The following SERHL2 variants were observed in gnomAD, a reference collection of about 807,000 sequenced individuals.
The protein encoded by SERHL2 is serine hydrolase like 2, also known as serine hydrolase-like protein 2.
A neutral mutation model predicts 25.5 loss-of-function variants in SERHL2; 29 were observed. The ratio of observed to expected loss-of-function variants is 1.14; its 90% confidence interval spans 0.85 to 1.55. The LOEUF is 1.55. Ranked by LOEUF, SERHL2 falls within the 40% of genes most tolerant of loss-of-function variation. SERHL2 has a pLI of 0.00. For synonymous variants in SERHL2, 95 were observed against 103.5 expected, an observed-to-expected ratio of 0.92 and a Z score of 0.50; for missense variants, 240 against 252.3, an observed-to-expected ratio of 0.95 and a Z score of 0.33.
At chr22:42,571,598 G>C (rs1924202217) in intron 10 of SERHL2, 2 of 410,140 alleles carry the variant, frequency 4.9e-6, no homozygotes, top group African/African-American at 4.3e-5. Context: ...GCTTATTTTT[G>C]TATTTTTAGT....
chr22:42,556,262 A>C, intron 5 of SERHL2, 179 bp downstream of exon 5: 1 of 537,096 alleles, frequency 1.9e-6, no homozygotes. Context: ...TCATGTTTCC[A>C]CGCCCCCATA....
At chr22:42,567,539 C>CT (rs1373658632) in intron 9 of SERHL2, among the ~76,000 whole-genome samples, 1 of 151,342 alleles carries the variant, frequency 6.6e-6, no homozygotes, top group African/African-American at 2.4e-5. Context: ...TGGCAGGCGC[C>CT]TGTAGTCCCA....
chr22:42,572,395 C>T (rs1380382197), intron 10 of SERHL2, 41 bp from the exon 11 acceptor site: 6 of 1,503,914 alleles, frequency 4.0e-6, no homozygotes, highest in Admixed American at 3.4e-5. Context: ...GGAGGCGGTT[C>T]TAAGATGAAC....
At chr22:42,569,911 T>C (rs1278544235) in intron 9 of SERHL2, 1 of 151,528 alleles carries the variant, frequency 6.6e-6, no homozygotes, top group Admixed American at 6.6e-5. Context: ...TGCAGGAGTA[T>C]CGGGTGTAAC....
chr22:42,574,007 C>T lies in SERHL2; in HGVS notation c.897C>T (p.Ile299=), dbSNP rs1369411394. The change falls in exon 12 of 12, where the codon ATC becomes ATT. Residue 299 remains isoleucine (I), a synonymous_variant. Transcript: ENST00000327678. ...HMSEPQHVAS[I]ISSFLQCTHM... ...GCGAACCCCAGCACGTGGCCAGTAT[C>T]ATCAGCTCCTTCTTACAGTGCACAC... 8.8e-6 allele frequency: 14 copies of T among 1,586,758 alleles called. No homozygotes were observed. Among genetic ancestry groups the T allele is most frequent in the Admixed American group, 5.1e-5 (3 of 59,020 alleles).
intron 8 of SERHL2, among the ~76,000 whole-genome samples, chr22:42,564,464 T>C (rs1229732507): frequency 6.6e-6 from 1 of 151,494 alleles, no homozygotes; most frequent in Admixed American, 6.6e-5. Context: ...GGGGTCTTGC[T>C]TTTGTCGTCC....
At chr22:42,563,539 C>A in intron 8 of SERHL2, 1 of 309,450 alleles carries the variant, frequency 3.2e-6, no homozygotes, top group South Asian at 2.4e-5. Context: ...AATATCTGGC[C>A]CCTGAAGCCC....
chr22:42,565,876 C>T (rs1258267263), intron 8 of SERHL2, among the ~76,000 whole-genome samples: 3 of 151,842 alleles, frequency 2.0e-5, no homozygotes, highest in Non-Finnish European at 4.4e-5. Context: ...TTTTTTGAGA[C>T]AGAGTCTTGC....
chr22:42,574,311 G>C lies in SERHL2; in HGVS notation c.*256G>C. The C allele has an allele frequency of 1.9e-6, 1 of 538,856 alleles. No homozygotes were observed. Among genetic ancestry groups the C allele is most frequent in the Non-Finnish European group, 3.3e-6 (1 of 303,926 alleles). 33.4% of individuals were successfully genotyped at this position (538,856 alleles called of 1,614,324 possible). On this transcript the variant is annotated 3_prime_UTR_variant, in exon 12 of 12. Coordinates refer to ENST00000327678, the MANE Select transcript of SERHL2 (RefSeq NM_014509.5). ...ATATCCAGCCAGCTGGAGGAAGGAA[G>C]GGCAGGCTGGGCCCACCTAGCCTTT...
rs182944888 is a variant in SERHL2, at chr22:42,573,503, G to A, written c.826-433G>A. ...CGTGATCCGCCCACCTTGGCCTCCC[G>A]CCTGCCTTGGCCTCCCAAAGTGCTG... On this transcript the variant is annotated intron_variant, in intron 11 of 11. Transcript: ENST00000327678. 640 of 165,864 alleles carry A rather than the reference G, an allele frequency of 3.9e-3. 7 individuals are homozygous for A. The highest frequency in any genetic ancestry group is 0.015 in the African/African-American group (615 of 41,656). 10.3% of individuals were successfully genotyped at this position (165,864 alleles called of 1,614,324 possible). A position where few individuals can be genotyped will look rare whatever the true frequency, so the allele number is the denominator to read the frequency against.
chr22:42,574,070 C>G lies in SERHL2; in HGVS notation c.*15C>G. ...CCCAGCTGTAGCTCTGGGCCTGGAACTATGAAGACCTAGTGCTCCCAGACT... is the reference window on the plus strand; with the variant it reads ...CCCAGCTGTAGCTCTGGGCCTGGAAGTATGAAGACCTAGTGCTCCCAGACT... On this transcript the variant is annotated 3_prime_UTR_variant, in exon 12 of 12. Transcript: ENST00000327678. 2 of 1,610,740 alleles carry G rather than the reference C, an allele frequency of 1.2e-6. No individual in the cohort carries two copies. The highest frequency in any genetic ancestry group is 1.3e-5 in the African/African-American group (1 of 74,970).
rs370796902 is a variant in SERHL2 at position 42,556,587 on chromosome 22, A to G, written c.422A>G (p.Asp141Gly). 9.5e-5 allele frequency: 152 copies of G among 1,599,318 alleles called. No individual in the cohort carries two copies. The African/African-American group carries it at 1.7e-3, about 18-fold the overall frequency. The change falls in exon 6 of 12, where the codon GAT becomes GGT. Residue 141 changes from aspartate to glycine, a missense_variant and splice_region_variant. Physicochemically the swap from Asp to Gly is moderately conservative, Grantham distance 94. Transcript: ENST00000327678. ...ACGCCGCTCTTTCTCCTGGAATCAG[A>G]TGTGAGAAGCGGGCTTTCGTGCATG... ...LDTPLFLLES[D>G]EMENLLTYKR...
rs1569277747 is a variant in SERHL2, at chr22:42,563,484, GT to G, written c.614-2819del. 3 of 415,476 alleles carry G rather than the reference GT, an allele frequency of 7.2e-6. No homozygotes were observed. In the East Asian group the frequency reaches 2.4e-4, roughly 34 times the overall value. 25.7% of individuals were successfully genotyped at this position (415,476 alleles called of 1,614,324 possible). ...CTCCCAAAATGGTAGGATTACAGGT[GT>G]GAGTCACCATGCCCAGCCAACCCTG... On this transcript the variant is annotated intron_variant, in intron 8 of 11. Coordinates refer to ENST00000327678, the MANE Select transcript of SERHL2 (RefSeq NM_014509.5).
chr22:42,572,579 G>A, intron 11 of SERHL2, 50 bp downstream of exon 11: 2 of 1,599,396 alleles, frequency 1.3e-6, no homozygotes. Context: ...GCCCACTCTG[G>A]TCCCACCTCA....
At position 42,560,181 on chromosome 22, in the gene SERHL2, C is replaced by G; in HGVS notation, c.534-5C>G. ...GGCACCCAGCATCCTTCTGTCTCCC[C>G]CCAGGTTACTGAAGAGCAATAGCCA... On this transcript the variant is annotated splice_polypyrimidine_tract_variant and splice_region_variant and intron_variant, in intron 7 of 11. Coordinates refer to ENST00000327678, the MANE Select transcript of SERHL2 (RefSeq NM_014509.5). 2 of 1,609,764 alleles carry G rather than the reference C, an allele frequency of 1.2e-6. No individual in the cohort carries two copies. Among genetic ancestry groups the G allele is most frequent in the Non-Finnish European group, 8.5e-7 (1 of 1,176,334 alleles).
At position 42,566,361 on chromosome 22, in the gene SERHL2, C is replaced by A. The variant is rs778504753; in HGVS notation, c.648+23C>A. The A allele has an allele frequency of 1.9e-6, 3 of 1,609,332 alleles. No homozygotes were observed. The African/African-American group carries it at 4.0e-5, about 22-fold the overall frequency. On this transcript the variant is annotated intron_variant, in intron 9 of 11. Transcript: ENST00000327678. ...TGGGTGAGTACCACTGCCTCCGGGT[C>A]CCCCGCCAAGGTTTGCCTGTTAGCG...
chr22:42,570,693 C>A (rs1046413), intron 9 of SERHL2, among the ~76,000 whole-genome samples: 2 of 139,968 alleles, frequency 1.4e-5, no homozygotes, highest in Non-Finnish European at 3.2e-5. Flanking sequence ...CAAGTTTCTT[C>A]CTCCTGGCAA....
At chr22:42,559,928 C>T (rs1297041917) in intron 7 of SERHL2, among the ~76,000 whole-genome samples, 1 of 151,854 alleles carries the variant, frequency 6.6e-6, no homozygotes, top group Non-Finnish European at 1.5e-5. Context: ...TCTCATGCCT[C>T]AGCTTCCCAA....
intron 7 of SERHL2, 81 bp from the exon 8 acceptor site, chr22:42,560,105 C>A: frequency 9.8e-7 from 1 of 1,025,126 alleles, no homozygotes; most frequent in Non-Finnish European, 1.5e-6. Flanking sequence ...AGCCACCGTC[C>A]CCCCCGGCCC....
Sources: gnomAD v4.1 joint callset for allele counts (sites outside exome capture counted in the v4.1 genomes callset) on GRCh38, gnomAD v4.1.1 for gene constraint, MANE v1.5 for transcripts, NCBI Gene and HGNC (gene_info 2026-07-23, HGNC 2026-07-21) for gene names.